The following RBFOX1 variants were observed in gnomAD, a reference collection of about 807,000 sequenced individuals.
The protein encoded by RBFOX1 is RNA binding protein fox-1 homolog 1.
In RBFOX1, 8 loss-of-function variants were observed where a neutral mutation model predicts 57.7. That is an observed-to-expected ratio of 0.14 (90% confidence interval 0.08 to 0.25). The LOEUF is 0.25. Among genes scored for constraint, RBFOX1 ranks in the 10% least tolerant of loss-of-function variants. The pLI is 1.00. For missense variants in RBFOX1, 611 were observed against 548.5 expected (o/e 1.11, Z -1.14); for synonymous variants, 326 against 222.4 (o/e 1.47, Z -4.15).
At chr16:5,254,676 G>A (rs1447416223) in intron 1 of RBFOX1, among the ~76,000 whole-genome samples, 1 of 152,240 alleles carries the variant, frequency 6.6e-6, no homozygotes, top group East Asian at 1.9e-4. Flanking sequence ...CCCCCACCCA[G>A]CTTGTTCTGG....
intron 1 of RBFOX1, among the ~76,000 whole-genome samples, chr16:6,121,643 G>A (rs868610866): frequency 2.0e-5 from 3 of 152,162 alleles, no homozygotes; most frequent in African/African-American, 2.4e-5. Flanking sequence ...GGGGACATCT[G>A]TTCCTCTGGG....
chr16:6,280,890 C>T (rs967958803), intron 1 of RBFOX1, among the ~76,000 whole-genome samples: 2 of 151,772 alleles, frequency 1.3e-5, no homozygotes, highest in Non-Finnish European at 1.5e-5. Flanking sequence ...ATATATATGT[C>T]TAGGAGCGTG....
intron 3 of RBFOX1, among the ~76,000 whole-genome samples, chr16:6,855,144 G>A (rs72768849): frequency 0.19 from 29,008 of 151,902 alleles, 3,322 homozygotes; most frequent in Admixed American, 0.33. Context: ...TGTAAATTCC[G>A]TGAGTGTGTA....
At chr16:7,008,203 G>T (rs1250500691) in intron 3 of RBFOX1, among the ~76,000 whole-genome samples, 1 of 152,140 alleles carries the variant, frequency 6.6e-6, no homozygotes, top group Admixed American at 6.5e-5. Flanking sequence ...TATTTTTGGC[G>T]AATTGGCTTT....
intron 11 of RBFOX1, among the ~76,000 whole-genome samples, chr16:7,649,343 G>A (rs564640391): frequency 6.6e-6 from 1 of 151,954 alleles, no homozygotes; most frequent in East Asian, 1.9e-4. Context: ...GAATGCTTCT[G>A]TTCACAAGAT....
chr16:6,944,131 T>C (rs1267122510), intron 3 of RBFOX1, among the ~76,000 whole-genome samples: 1 of 152,076 alleles, frequency 6.6e-6, no homozygotes, highest in Admixed American at 6.6e-5. Context: ...GCACAGTGGC[T>C]CTTGCCTGTA....
intron 4 of RBFOX1, among the ~76,000 whole-genome samples, chr16:7,061,539 C>G (rs1333557450): frequency 2.6e-5 from 4 of 152,094 alleles, no homozygotes; most frequent in Admixed American, 2.6e-4. Context: ...TGAGTCTCCC[C>G]AGGCATTTGA....
chr16:6,323,948 T>C (rs1344677286), intron 2 of RBFOX1, among the ~76,000 whole-genome samples: 2 of 152,242 alleles, frequency 1.3e-5, no homozygotes, highest in South Asian at 2.1e-4. Flanking sequence ...AGTGTTTGTA[T>C]TTTTAGTAGA....
intron 1 of RBFOX1, among the ~76,000 whole-genome samples, chr16:6,022,188 T>C (rs1424288762): frequency 6.6e-6 from 1 of 152,262 alleles, no homozygotes; most frequent in East Asian, 1.9e-4. Context: ...GTACATTTCT[T>C]CTGACCCACT....
chr16:5,969,960 G>T (rs983279721), intron 4 of RBFOX1, among the ~76,000 whole-genome samples: 4 of 152,068 alleles, frequency 2.6e-5, no homozygotes, highest in Admixed American at 2.0e-4. Flanking sequence ...CACATCTGTT[G>T]CTTCGCAGCT....
intron 3 of RBFOX1, among the ~76,000 whole-genome samples, chr16:5,759,840 G>A (rs2053532592): frequency 6.6e-6 from 1 of 152,004 alleles, no homozygotes; most frequent in South Asian, 2.1e-4. Flanking sequence ...CCAGTGCAGG[G>A]AAGCCTTTGA....
chr16:7,705,273 G>A (rs146444561), intron 14 of RBFOX1, among the ~76,000 whole-genome samples: 6,406 of 152,112 alleles, frequency 0.042, 181 homozygotes, highest in Middle Eastern at 0.071. Context: ...TTGGGAGGCC[G>A]AGGCAGGAGG....
intron 4 of RBFOX1, among the ~76,000 whole-genome samples, chr16:7,194,472 A>C (rs2086193380): frequency 1.3e-5 from 2 of 152,212 alleles, no homozygotes. Context: ...GAACGGCTAG[A>C]GTTTGGGAAA....
chr16:7,491,092 A>C (rs1241525782), intron 4 of RBFOX1, among the ~76,000 whole-genome samples: 1 of 152,124 alleles, frequency 6.6e-6, no homozygotes, highest in African/African-American at 2.4e-5. Flanking sequence ...ACCTGCACCC[A>C]CAAATCTGGC....
intron 1 of RBFOX1, among the ~76,000 whole-genome samples, chr16:5,295,551 G>A (rs960211811): frequency 6.6e-6 from 1 of 152,166 alleles, no homozygotes; most frequent in Non-Finnish European, 1.5e-5. Flanking sequence ...GTTGTTGGCA[G>A]CATTCAGTTC....
chr16:7,264,998 T>C (rs2095071554), intron 4 of RBFOX1, among the ~76,000 whole-genome samples: 1 of 152,240 alleles, frequency 6.6e-6, no homozygotes, highest in South Asian at 2.1e-4. Context: ...CCATTTGCGG[T>C]TTTCAAACCA....
intron 4 of RBFOX1, among the ~76,000 whole-genome samples, chr16:5,994,250 C>G (rs1182693197): frequency 6.6e-6 from 1 of 152,196 alleles, no homozygotes; most frequent in African/African-American, 2.4e-5. Flanking sequence ...CAACCTCTGC[C>G]TCCTGGGTTT....
rs192449821 is a variant in RBFOX1 at position 6,641,898 on chromosome 16, C to A, written c.-63-12705C>A. The stretch of plus-strand genomic sequence containing the variant: ...TTAGCTCACCTGGGGAACACACACA[C>A]CACTGACCCAGTTAGGGCTTCTTCC... On this transcript the variant is annotated intron_variant, in intron 2 of 15. Transcript: ENST00000550418. 5.7e-3 allele frequency among the ~76,000 whole-genome samples: 870 copies of A among 152,250 alleles called. 8 individuals carry two copies. Among genetic ancestry groups the A allele is most frequent in the Non-Finnish European group, 9.3e-3 (630 of 68,022 alleles).
At chr16:6,109,091 G>A (rs1326164273) in intron 1 of RBFOX1, among the ~76,000 whole-genome samples, 1 of 152,150 alleles carries the variant, frequency 6.6e-6, no homozygotes, top group Non-Finnish European at 1.5e-5. Context: ...TACAAGAATG[G>A]GGGTTTAGTC....
Sources: allele counts gnomAD v4.1 joint callset (sites outside exome capture counted in the v4.1 genomes callset), GRCh38; gene constraint gnomAD v4.1.1; transcripts MANE v1.5; gene names NCBI Gene and HGNC (gene_info 2026-07-23, HGNC 2026-07-21).